Variants in DRC11 observed in about 807,000 individuals in gnomAD.
DRC11 encodes IQ and AAA domain-containing protein 1.
chr2:236,408,487 C>T, the DRC11 span: 3 of 738,444 alleles, frequency 4.1e-6, no homozygotes, highest in Admixed American at 1.7e-5. This position sits in a 1 kb window ranked among gnomAD's most constrained non-coding sequence, Gnocchi z 5.5. Flanking sequence ...CTCCCGGCCC[C>T]AGTCCAGCTT....
chr2:236,464,390 T>C, the DRC11 span, among the ~76,000 whole-genome samples: 1 of 152,226 alleles, frequency 6.6e-6, no homozygotes, highest in Non-Finnish European at 1.5e-5. Context: ...TTGCCTTCTA[T>C]GGCTCCTGGG....
the DRC11 span, among the ~76,000 whole-genome samples, chr2:236,453,106 G>A: frequency 6.6e-6 from 1 of 152,130 alleles, no homozygotes; most frequent in Non-Finnish European, 1.5e-5. The surrounding 1 kb of genome is among the most constrained non-coding windows in gnomAD (Gnocchi z 4.9). Flanking sequence ...CATTCACCCA[G>A]CAACCCCTCC....
the DRC11 span, among the ~76,000 whole-genome samples, chr2:236,320,594 T>A: frequency 2.0e-5 from 3 of 152,144 alleles, no homozygotes; most frequent in Non-Finnish European, 4.4e-5. Context: ...TGACATTGGT[T>A]TTGGGCCTGG....
At chr2:236,400,921 G>C in the DRC11 span, among the ~76,000 whole-genome samples, 2 of 152,156 alleles carry the variant, frequency 1.3e-5, no homozygotes, top group East Asian at 3.9e-4. The surrounding 1 kb of genome is among the most constrained non-coding windows in gnomAD (Gnocchi z 7.9). Context: ...GGGTCTCCCT[G>C]CTTCTGCCTC....
At chr2:236,381,968 A>AC in the DRC11 span, among the ~76,000 whole-genome samples, 2 of 152,110 alleles carry the variant, frequency 1.3e-5, no homozygotes, top group Non-Finnish European at 2.9e-5. This position sits in a 1 kb window ranked among gnomAD's most constrained non-coding sequence, Gnocchi z 5.8. Flanking sequence ...CAGAGCAATC[A>AC]TCTTTAGTTT....
chr2:236,393,044 A>G, the DRC11 span, among the ~76,000 whole-genome samples: 282 of 152,318 alleles, frequency 1.9e-3, no homozygotes, highest in African/African-American at 6.1e-3. The surrounding 1 kb of genome is among the most constrained non-coding windows in gnomAD (Gnocchi z 4.7). Flanking sequence ...GGGAGGTTCC[A>G]AATGTATGCT....
the DRC11 span, chr2:236,497,293 C>T: frequency 9.2e-5 from 149 of 1,613,674 alleles, no homozygotes; most frequent in East Asian, 6.9e-4. The surrounding 1 kb of genome is among the most constrained non-coding windows in gnomAD (Gnocchi z 5.1). Flanking sequence ...GATCAGTATT[C>T]GTTTCTGGGG....
the DRC11 span, among the ~76,000 whole-genome samples, chr2:236,416,045 G>C: frequency 1.4e-4 from 22 of 152,206 alleles, no homozygotes; most frequent in East Asian, 4.2e-3. Context: ...TAGGGCCCTA[G>C]GTGGTCTCCC....
the DRC11 span, among the ~76,000 whole-genome samples, chr2:236,424,579 T>C: frequency 6.6e-6 from 1 of 152,258 alleles, no homozygotes; most frequent in Non-Finnish European, 1.5e-5. Context: ...GATGTTTTGA[T>C]ACATGTACAC....
the DRC11 span, among the ~76,000 whole-genome samples, chr2:236,359,847 T>G: frequency 6.6e-6 from 1 of 152,310 alleles, no homozygotes; most frequent in East Asian, 1.9e-4. The surrounding 1 kb of genome is among the most constrained non-coding windows in gnomAD (Gnocchi z 4.3). Context: ...GGGTCTTTCA[T>G]TAATCAGTTA....
chr2:236,485,128 T>A, the DRC11 span, among the ~76,000 whole-genome samples: 1 of 152,180 alleles, frequency 6.6e-6, no homozygotes, highest in Non-Finnish European at 1.5e-5. Context: ...GTTTTCTCTC[T>A]TCAATATTTT....
the DRC11 span, among the ~76,000 whole-genome samples, chr2:236,421,888 C>T: frequency 2.6e-5 from 4 of 152,158 alleles, no homozygotes; most frequent in Non-Finnish European, 4.4e-5. Flanking sequence ...CCCTGGGATG[C>T]AAGGCTGGTT....
chr2:236,506,005 CT>C, the DRC11 span, among the ~76,000 whole-genome samples: 1 of 152,222 alleles, frequency 6.6e-6, no homozygotes, highest in Admixed American at 6.5e-5. This position sits in a 1 kb window ranked among gnomAD's most constrained non-coding sequence, Gnocchi z 4.9. Flanking sequence ...GTCTTTCTAT[CT>C]CATCATACCA....
chr2:236,504,536 G>T, the DRC11 span, among the ~76,000 whole-genome samples: 1 of 152,168 alleles, frequency 6.6e-6, no homozygotes, highest in South Asian at 2.1e-4. The surrounding 1 kb of genome is among the most constrained non-coding windows in gnomAD (Gnocchi z 5.0). Flanking sequence ...ATCCCTGGAG[G>T]TCACTCAATC....
the DRC11 span, among the ~76,000 whole-genome samples, chr2:236,491,119 G>C: frequency 1.0e-5 from 1 of 97,788 alleles, no homozygotes; most frequent in African/African-American, 4.8e-5. Context: ...TATATATACA[G>C]TGTGTATATA....
At chr2:236,394,368 C>T in the DRC11 span, among the ~76,000 whole-genome samples, 2 of 152,260 alleles carry the variant, frequency 1.3e-5, no homozygotes, top group East Asian at 3.9e-4. This position sits in a 1 kb window ranked among gnomAD's most constrained non-coding sequence, Gnocchi z 7.0. Context: ...CGCAGTGGCT[C>T]ATGCCTGTAA....
At chr2:236,372,348 T>C in the DRC11 span, among the ~76,000 whole-genome samples, 2 of 152,202 alleles carry the variant, frequency 1.3e-5, no homozygotes, top group Non-Finnish European at 2.9e-5. The surrounding 1 kb of genome is among the most constrained non-coding windows in gnomAD (Gnocchi z 4.5). Flanking sequence ...GGTTGTTGGC[T>C]GAAGATTCAT....
the DRC11 span, among the ~76,000 whole-genome samples, chr2:236,443,311 T>C: frequency 6.6e-6 from 1 of 152,148 alleles, no homozygotes; most frequent in Non-Finnish European, 1.5e-5. The surrounding 1 kb of genome is among the most constrained non-coding windows in gnomAD (Gnocchi z 4.4). Flanking sequence ...GTCCATTAGC[T>C]ATTCTTCCTG....
chr2:236,394,250 G>T, the DRC11 span, among the ~76,000 whole-genome samples: 1 of 152,170 alleles, frequency 6.6e-6, no homozygotes, highest in Non-Finnish European at 1.5e-5. The surrounding 1 kb of genome is among the most constrained non-coding windows in gnomAD (Gnocchi z 7.0). Context: ...TGGGGCCAGT[G>T]CCTGCGTCTT....
Sources: allele counts gnomAD v4.1 joint callset (sites outside exome capture counted in the v4.1 genomes callset), GRCh38; gene constraint gnomAD v4.1.1; non-coding constraint Gnocchi (gnomAD v3.1); transcripts MANE v1.5; gene names NCBI Gene and HGNC (gene_info 2026-07-23, HGNC 2026-07-21).